Variants in TRPM8 observed in about 807,000 individuals in gnomAD.
The protein encoded by TRPM8 is TRPM8 cationic channel.
In TRPM8, 110 loss-of-function variants were observed where a neutral mutation model predicts 133.7. The ratio of observed to expected loss-of-function variants is 0.82; its 90% CI spans 0.70 to 0.96. TRPM8 has a LOEUF of 0.96. Among genes scored for constraint, TRPM8 ranks in the 40% least tolerant of loss-of-function variants. The probability of loss-of-function intolerance (pLI) is 0.00; values close to 1 mark genes in which losing one functional copy is unlikely to be tolerated. For synonymous variants in TRPM8, 535 were observed against 532.3 expected, an observed-to-expected ratio of 1.01 and a Z score of -0.07; for missense variants, 1,291 against 1,379.5, an observed-to-expected ratio of 0.94 and a Z score of 1.02.
chr2:233,988,000 C>G (rs1692190289), intron 21 of TRPM8, among the ~76,000 whole-genome samples: 1 of 151,022 alleles, frequency 6.6e-6, no homozygotes. Flanking sequence ...GTAAATTGCC[C>G]AGTTTTGGGT....
At chr2:233,979,976 G>A (rs963656199) in intron 17 of TRPM8, 4 of 574,722 alleles carry the variant, frequency 7.0e-6, no homozygotes, top group Non-Finnish European at 1.2e-5. Context: ...CAGCAGACAT[G>A]AAGAGCAGAA....
intron 21 of TRPM8, among the ~76,000 whole-genome samples, chr2:233,990,273 G>T (rs1191706647): frequency 6.6e-6 from 1 of 152,108 alleles, no homozygotes; most frequent in Non-Finnish European, 1.5e-5. Context: ...TCAGGTTCTT[G>T]ACTTTGGGAC....
chr2:233,941,839 T>G (rs1055976741), intron 5 of TRPM8, among the ~76,000 whole-genome samples: 4 of 152,038 alleles, frequency 2.6e-5, no homozygotes, highest in African/African-American at 9.7e-5. Flanking sequence ...TAAAGCAAAG[T>G]TATTGACACA....
intron 11 of TRPM8, 36 bp from the exon 12 acceptor site, chr2:233,960,740 A>G (rs1559529573): frequency 1.9e-6 from 3 of 1,557,632 alleles, no homozygotes. Context: ...ATATTTTTAT[A>G]GTATTGTTAG....
chr2:234,010,507 A>G (rs1056188634), intron 24 of TRPM8, among the ~76,000 whole-genome samples: 2 of 152,148 alleles, frequency 1.3e-5, no homozygotes, highest in Non-Finnish European at 2.9e-5. Flanking sequence ...CAGAGGTGGG[A>G]TTGCTGGATC....
chr2:233,932,043 T>G (rs909685796), intron 3 of TRPM8, among the ~76,000 whole-genome samples: 3 of 152,202 alleles, frequency 2.0e-5, no homozygotes, highest in African/African-American at 7.2e-5. Flanking sequence ...TTGCCTCCCT[T>G]TCTAAGAATG....
Position 233,966,646 on chromosome 2 carries a change from T to C in TRPM8, c.1916T>C (p.Leu639Ser), listed in dbSNP as rs367865147. Reference protein sequence around the residue: ...FTECYSSDEDLAEQLLVYSCE... With the variant: ...FTECYSSDEDSAEQLLVYSCE... ...GAGTGTTACAGCAGCGATGAAGACT[T>C]GGCAGAACAGCTGCTGGTCTATTCC... Residue 639 changes from leucine (L) to serine (S), a missense_variant, in exon 15 of 26, where the codon TTG becomes TCG. Physicochemically the swap from Leu to Ser is moderately radical, Grantham distance 145. Around this residue, in one of 2 missense-constraint regions of TRPM8, gnomAD observed 963 missense variants for 968.9 expected, o/e 0.99. Transcript: ENST00000324695. The C allele has an allele frequency of 9.3e-6, 15 of 1,614,088 alleles. No homozygotes were observed. The highest frequency in any genetic ancestry group is 1.3e-5 in the Non-Finnish European group (15 of 1,180,004).
intron 11 of TRPM8, among the ~76,000 whole-genome samples, chr2:233,956,500 C>T (rs1466655384): frequency 6.6e-6 from 1 of 152,136 alleles, no homozygotes; most frequent in Admixed American, 6.5e-5. Flanking sequence ...AAGGCTGCTT[C>T]TTTGTTTTCA....
intron 6 of TRPM8, among the ~76,000 whole-genome samples, chr2:233,943,859 G>A (rs11563060): frequency 0.38 from 57,237 of 152,062 alleles, 16,967 homozygotes; most frequent in African/African-American, 0.8. Context: ...CCTTAGAAGC[G>A]GCAAATGTTA....
chr2:233,982,448 C>T (rs1007878073), intron 19 of TRPM8, among the ~76,000 whole-genome samples: 3 of 152,154 alleles, frequency 2.0e-5, no homozygotes, highest in Non-Finnish European at 4.4e-5. Context: ...TGACCCAAAC[C>T]TCCCCTGTTT....
At chr2:233,926,485 C>T (rs1574687609) in intron 1 of TRPM8, 48 bp from the exon 2 acceptor site, 1 of 1,401,794 alleles carries the variant, frequency 7.1e-7, no homozygotes, top group Admixed American at 1.7e-5. Context: ...GAAGGAAGCC[C>T]TGTTACTGTT....
rs754235184 is a variant in TRPM8 at position 233,938,979 on chromosome 2, TCTG to T, written c.349-16_349-14del. On this transcript the variant is annotated splice_polypyrimidine_tract_variant and intron_variant, in intron 4 of 25. Coordinates refer to ENST00000324695, the MANE Select transcript of TRPM8 (RefSeq NM_024080.5). ...GAGAACACAGGCCTATCCTGATACT[TCTG>T]CTTCTCTCCCCATAGTATATACGTC... 6.2e-7 allele frequency: 1 copy of T among 1,613,782 alleles called. No individual in the cohort carries two copies. Among genetic ancestry groups the T allele is most frequent in the Non-Finnish European group, 8.5e-7 (1 of 1,179,786 alleles).
chr2:234,013,306 T>C (rs1692885625), intron 24 of TRPM8: 1 of 152,220 alleles, frequency 6.6e-6, no homozygotes, highest in Admixed American at 6.5e-5. Context: ...ATTTTCATTT[T>C]CTTCATTTGT....
At chr2:233,977,404 G>A (rs1250011611) in intron 17 of TRPM8, among the ~76,000 whole-genome samples, 2 of 152,170 alleles carry the variant, frequency 1.3e-5, no homozygotes, top group Admixed American at 6.5e-5. Flanking sequence ...CCCTGCGATG[G>A]TAACTTGGAG....
intron 21 of TRPM8, among the ~76,000 whole-genome samples, chr2:233,991,483 G>T (rs1326497465): frequency 1.3e-5 from 2 of 152,182 alleles, no homozygotes; most frequent in African/African-American, 4.8e-5. Flanking sequence ...ACGGGCCATG[G>T]GGCAGTACTG....
chr2:233,966,247 C>CG (rs1256800301), intron 14 of TRPM8: 281 of 168,658 alleles, frequency 1.7e-3, no homozygotes, highest in African/African-American at 7.3e-3. Flanking sequence ...ACGGGGGGGT[C>CG]GGGGGGCGGC....
chr2:233,961,406 A>C (rs1165222122), intron 12 of TRPM8, among the ~76,000 whole-genome samples: 1 of 152,154 alleles, frequency 6.6e-6, no homozygotes, highest in Middle Eastern at 3.4e-3. Context: ...CCTGGGTTCA[A>C]GCAATTCTTC....
chr2:233,999,157 G>A (rs746807789), intron 22 of TRPM8, among the ~76,000 whole-genome samples: 35 of 152,056 alleles, frequency 2.3e-4, no homozygotes, highest in Non-Finnish European at 4.3e-4. Flanking sequence ...GGCAGGGCAG[G>A]GCAGGGCAGG....
At chr2:234,003,612 A>G (rs1692623519) in intron 22 of TRPM8, among the ~76,000 whole-genome samples, 1 of 152,230 alleles carries the variant, frequency 6.6e-6, no homozygotes, top group Non-Finnish European at 1.5e-5. Context: ...TTAGGGGGCC[A>G]TTCTGTGCCT....
Sources: gnomAD v4.1 joint callset for allele counts (sites outside exome capture counted in the v4.1 genomes callset) on GRCh38, gnomAD v4.1.1 for gene constraint, gnomAD v4.1.1 regional missense constraint, MANE v1.5 for transcripts, NCBI Gene and HGNC (gene_info 2026-07-23, HGNC 2026-07-21) for gene names.